TRIO: variants seen among roughly 807,000 people sequenced by gnomAD.
TRIO encodes trio Rho guanine nucleotide exchange factor.
In TRIO, 58 loss-of-function variants were observed where a neutral mutation model predicts 351.9. The observed-to-expected ratio is 0.16, with a 90% confidence interval of 0.13 to 0.21. TRIO has a LOEUF of 0.21. TRIO is among the 10% of genes least tolerant of loss of function. The probability of loss-of-function intolerance (pLI) is 1.00; values close to 1 mark genes in which losing one functional copy is unlikely to be tolerated. For synonymous variants in TRIO, 1,758 were observed against 1,595.7 expected, an observed-to-expected ratio of 1.10 and a Z score of -2.42; for missense variants, 3,201 against 4,027.8, an observed-to-expected ratio of 0.79 and a Z score of 5.56.
At chr5:14,328,288 C>A (rs1017093936) in intron 9 of TRIO, among the ~76,000 whole-genome samples, 2 of 152,146 alleles carry the variant, frequency 1.3e-5, no homozygotes, top group African/African-American at 4.8e-5. Flanking sequence ...ACAATGAGCT[C>A]AATACGCTAG....
chr5:14,491,302 A>T (rs894607978), intron 48 of TRIO, among the ~76,000 whole-genome samples: 2 of 152,158 alleles, frequency 1.3e-5, no homozygotes, highest in African/African-American at 2.4e-5. Flanking sequence ...GGGTTATCTG[A>T]CAAATTGCAT....
chr5:14,171,486 G>C lies in TRIO; in HGVS notation c.157+27604G>C, dbSNP rs570312227. On this transcript the variant is annotated intron_variant, in intron 1 of 56. Coordinates refer to ENST00000344204, the MANE Select transcript of TRIO (RefSeq NM_007118.4). ...TAGACCATAAGCTGATGAGCCGGAG[G>C]TCAAAATTAGATAGCTGTAAATTAT... Among the ~76,000 whole-genome samples the C allele has an allele frequency of 2.6e-5, 4 of 152,274 alleles. No homozygotes were observed. In the South Asian group the frequency reaches 8.3e-4, roughly 32 times the overall value.
At chr5:14,210,557 T>A (rs1791822735) in intron 1 of TRIO, among the ~76,000 whole-genome samples, 2 of 152,018 alleles carry the variant, frequency 1.3e-5, no homozygotes, top group Non-Finnish European at 2.9e-5. Flanking sequence ...TTTGCAGCAT[T>A]TGTTTCTTCT....
chr5:14,270,992 A>G (rs763023689), intron 2 of TRIO, 93 bp downstream of exon 2: 19 of 880,106 alleles, frequency 2.2e-5, no homozygotes, highest in Non-Finnish European at 3.3e-5. Context: ...CACAACATAT[A>G]AAAACATTGG....
chr5:14,376,525 G>A (rs1307785417), intron 19 of TRIO, among the ~76,000 whole-genome samples: 3 of 152,156 alleles, frequency 2.0e-5, no homozygotes, highest in Non-Finnish European at 4.4e-5. Context: ...ATATTACCTT[G>A]CAACTTGCAT....
intron 46 of TRIO, 124 bp downstream of exon 46, chr5:14,482,897 T>C (rs1433742821): frequency 1.0e-6 from 1 of 992,464 alleles, no homozygotes; most frequent in African/African-American, 1.7e-5. Context: ...TTTTCTAGTA[T>C]ATTTCAGAGC....
intron 1 of TRIO, among the ~76,000 whole-genome samples, chr5:14,165,761 C>T (rs1454251531): frequency 6.6e-6 from 1 of 152,124 alleles, no homozygotes; most frequent in Non-Finnish European, 1.5e-5. Flanking sequence ...TTCACAAAGG[C>T]CCCTGGATCC....
intron 8 of TRIO, among the ~76,000 whole-genome samples, chr5:14,310,225 T>G (rs1455538588): frequency 6.6e-6 from 1 of 152,342 alleles, no homozygotes; most frequent in Non-Finnish European, 1.5e-5. Flanking sequence ...CAAACTGAAT[T>G]TATAAAAATG....
At chr5:14,211,660 CAT>C (rs1374249590) in intron 1 of TRIO, among the ~76,000 whole-genome samples, 4 of 138,254 alleles carry the variant, frequency 2.9e-5, no homozygotes, top group East Asian at 4.6e-4. Context: ...CTTTTTGTCA[CAT>C]ATGTTTTCTC....
intron 3 of TRIO, among the ~76,000 whole-genome samples, chr5:14,282,197 A>G (rs1219354785): frequency 1.3e-5 from 2 of 152,218 alleles, no homozygotes; most frequent in East Asian, 1.9e-4. Context: ...TTGAAATCTT[A>G]GAGTTGGAAA....
intron 1 of TRIO, among the ~76,000 whole-genome samples, chr5:14,212,626 T>C (rs983389497): frequency 6.6e-6 from 1 of 152,092 alleles, no homozygotes; most frequent in Non-Finnish European, 1.5e-5. Context: ...TGGGTAAGAA[T>C]TGTTGGCATT....
intron 1 of TRIO, among the ~76,000 whole-genome samples, chr5:14,251,476 G>A (rs1794742557): frequency 6.6e-6 from 1 of 152,218 alleles, no homozygotes; most frequent in Non-Finnish European, 1.5e-5. Flanking sequence ...GTGAACTGGA[G>A]ATGGCAAGGA....
At chr5:14,368,238 A>G (rs529733366) in intron 16 of TRIO, among the ~76,000 whole-genome samples, 1 of 152,364 alleles carries the variant, frequency 6.6e-6, no homozygotes, top group East Asian at 1.9e-4. Flanking sequence ...CCTTTTTAAA[A>G]TCAATAGTTC....
At chr5:14,309,884 T>A (rs1031668270) in intron 8 of TRIO, among the ~76,000 whole-genome samples, 26 of 152,346 alleles carry the variant, frequency 1.7e-4, no homozygotes, top group Non-Finnish European at 2.6e-4. Context: ...TCATTTTCTC[T>A]ACAATTTTTT....
Position 14,297,208 on chromosome 5 carries a change from A to C in TRIO, c.1313A>C (p.Asp438Ala). The change falls in exon 7 of 57, where the codon GAT becomes GCT. Residue 438 changes from aspartate (D) to alanine (A), a missense_variant. Physicochemically the swap from Asp to Ala is moderately radical, Grantham distance 126. This residue lies in a region of TRIO where 349 missense variants were observed against 449.3 expected (regional missense o/e 0.78). Coordinates refer to ENST00000344204, the MANE Select transcript of TRIO (RefSeq NM_007118.4). Reference protein sequence around the residue: ...QEWKAFAAALDERSTLLDMSS... With the variant: ...QEWKAFAAALAERSTLLDMSS... ...TGGAAGGCGTTTGCGGCAGCCCTGGATGAGCGGAGCACCTTGCTGGACATG... is the reference window on the plus strand; with the variant it reads ...TGGAAGGCGTTTGCGGCAGCCCTGGCTGAGCGGAGCACCTTGCTGGACATG... The C allele has an allele frequency of 6.2e-7, 1 of 1,614,176 alleles. No homozygotes were observed. Among genetic ancestry groups the C allele is most frequent in the Non-Finnish European group, 8.5e-7 (1 of 1,180,028 alleles).
intron 1 of TRIO, among the ~76,000 whole-genome samples, chr5:14,270,140 C>G (rs1297841765): frequency 3.3e-5 from 5 of 152,206 alleles, no homozygotes; most frequent in Non-Finnish European, 1.5e-5. Flanking sequence ...TCCTTTTCTA[C>G]AATATTCCCA....
At position 14,374,383 on chromosome 5, in the gene TRIO, T is replaced by G. The variant is rs370124503; in HGVS notation, c.3331+40T>G. Reference sequence around the variant, plus strand: ...GAGTCTCCAGGGGTGGCCCAGTGCATGCCTGGCAAGAGACAAAAGGAGCCT... The same window carrying G: ...GAGTCTCCAGGGGTGGCCCAGTGCAGGCCTGGCAAGAGACAAAAGGAGCCT... On this transcript the variant is annotated intron_variant, in intron 19 of 56. Transcript: ENST00000344204. 71 of 1,532,262 alleles carry G rather than the reference T, an allele frequency of 4.6e-5. No individual in the cohort carries two copies. In the Middle Eastern group the frequency reaches 1.2e-3, roughly 26 times the overall value. 94.9% of individuals were successfully genotyped at this position (1,532,262 alleles called of 1,614,324 possible).
intron 1 of TRIO, among the ~76,000 whole-genome samples, chr5:14,202,449 G>T (rs1791194897): frequency 6.6e-6 from 1 of 151,594 alleles, no homozygotes; most frequent in African/African-American, 2.4e-5. Context: ...CTATGAGCAA[G>T]TTGAAGTGAT....
intron 53 of TRIO, among the ~76,000 whole-genome samples, chr5:14,499,585 T>G (rs758521637): frequency 1.3e-5 from 2 of 152,204 alleles, no homozygotes; most frequent in Non-Finnish European, 2.9e-5. Context: ...TTTAACAACA[T>G]TAAATCAGAA....
Sources: gnomAD v4.1 joint callset for allele counts (sites outside exome capture counted in the v4.1 genomes callset) on GRCh38, gnomAD v4.1.1 for gene constraint, gnomAD v4.1.1 regional missense constraint, MANE v1.5 for transcripts, NCBI Gene and HGNC (gene_info 2026-07-23, HGNC 2026-07-21) for gene names.